SPEG: variants seen among roughly 807,000 people sequenced by gnomAD.
SPEG encodes striated muscle preferentially expressed protein kinase.
A neutral mutation model predicts 300.4 loss-of-function variants in SPEG; 114 were observed. The observed-to-expected ratio is 0.38, with a 90% CI of 0.33 to 0.44. The LOEUF (loss-of-function observed/expected upper bound fraction) is 0.44. Ranked by LOEUF, SPEG falls within the 20% of genes least tolerant of loss-of-function variation. The pLI, the probability that SPEG is intolerant of heterozygous loss-of-function variation, is 1.00. For synonymous variants in SPEG, 1,964 were observed against 2,018.9 expected (o/e 0.97, Z 0.73); for missense variants, 4,201 against 4,586.2 (o/e 0.92, Z 2.43).
chr2:219,487,284 G>A (rs967337607), intron 31 of SPEG, among the ~76,000 whole-genome samples: 49 of 152,222 alleles, frequency 3.2e-4, no homozygotes, highest in African/African-American at 1.0e-3. Flanking sequence ...AGCTAGCTGT[G>A]AAGGCAGCTT....
At chr2:219,447,776 C>T (rs1192735235) in intron 3 of SPEG, among the ~76,000 whole-genome samples, 198 bp from the exon 4 acceptor site, 1 of 151,914 alleles carries the variant, frequency 6.6e-6, no homozygotes, top group Non-Finnish European at 1.5e-5. Flanking sequence ...TCTTGTGGTT[C>T]CAGAGCCGCC....
chr2:219,467,009 A>G, intron 9 of SPEG, 165 bp from the exon 10 acceptor site: 1 of 1,066,586 alleles, frequency 9.4e-7, no homozygotes, highest in South Asian at 2.2e-5. Context: ...AGGTCTGGGC[A>G]TGCCTTGCTG....
rs555410653 is a variant in SPEG, at chr2:219,441,446, C to G, written c.389-3207C>G. The G allele has an allele frequency of 6.5e-6, 3 of 463,460 alleles. No individual in the cohort carries two copies. The East Asian group carries it at 2.1e-4, about 32-fold the overall frequency. 28.7% of individuals were successfully genotyped at this position (463,460 alleles called of 1,614,324 possible). The stretch of plus-strand genomic sequence containing the variant: ...CACGCAGTCCACACCCGCCAGGACC[C>G]TTGCCCTGCGTTTGACCTAGGCGCC... On this transcript the variant is annotated intron_variant, in intron 1 of 40. Coordinates refer to ENST00000312358, the MANE Select transcript of SPEG (RefSeq NM_005876.5).
Position 219,444,515 on chromosome 2 carries a change from G to T in SPEG, c.389-138G>T. On this transcript the variant is annotated intron_variant, in intron 1 of 40. Transcript: ENST00000312358. This position sits in a 1 kb window ranked among gnomAD's most constrained non-coding sequence, Gnocchi z 7.8. ...GCCCAGGCTGGGCAGGGGATGTGGGGAGCAAAAGAGAGGAGGTGCTGGCAG... is the reference window on the plus strand; with the variant it reads ...GCCCAGGCTGGGCAGGGGATGTGGGTAGCAAAAGAGAGGAGGTGCTGGCAG... 1.4e-6 allele frequency: 1 copy of T among 707,782 alleles called. No individual in the cohort carries two copies. Among genetic ancestry groups the T allele is most frequent in the Non-Finnish European group, 2.5e-6 (1 of 404,886 alleles). The allele number at this position is 707,782 out of a possible 1,614,324, so 43.8% of individuals were successfully genotyped here. A position where few individuals can be genotyped will look rare whatever the true frequency, so the allele number is the denominator to read the frequency against.
intron 18 of SPEG, among the ~76,000 whole-genome samples, chr2:219,475,415 C>A (rs898912329): frequency 3.9e-5 from 6 of 152,232 alleles, no homozygotes; most frequent in Non-Finnish European, 8.8e-5. Context: ...CCCCCACCAC[C>A]TCCCAGCCCA....
At chr2:219,462,530 G>A (rs1690819655) in intron 8 of SPEG, 144 bp downstream of exon 8, 1 of 655,190 alleles carries the variant, frequency 1.5e-6, no homozygotes. Context: ...GGACAGCAGT[G>A]TACTCCCCCC....
At position 219,479,424 on chromosome 2, in the gene SPEG, C is replaced by A. The variant is rs1048083348; in HGVS notation, c.5085+223C>A. ...TCTCTCTAAATCTCAGCAAACCCAC[C>A]CCAGCTCCTAACTGTTGTTTCCCAC... On this transcript the variant is annotated intron_variant, in intron 23 of 40. Transcript: ENST00000312358. This position sits in a 1 kb window ranked among gnomAD's most constrained non-coding sequence, Gnocchi z 5.5. 6.6e-6 allele frequency among the ~76,000 whole-genome samples: 1 copy of A among 152,182 alleles called. No homozygotes were observed. Among genetic ancestry groups the A allele is most frequent in the African/African-American group, 2.4e-5 (1 of 41,420 alleles).
chr2:219,457,472 A>G (rs1690280677), intron 6 of SPEG, among the ~76,000 whole-genome samples: 1 of 152,146 alleles, frequency 6.6e-6, no homozygotes, highest in African/African-American at 2.4e-5. Context: ...AATCCCAGCT[A>G]CTGAGGGAGG....
rs1394608788 is a variant in SPEG, at chr2:219,480,203, G to A, written c.5342+63G>A. The A allele has an allele frequency of 2.6e-6, 4 of 1,527,246 alleles. No homozygotes were observed. Among genetic ancestry groups the A allele is most frequent in the Admixed American group, 1.7e-5 (1 of 57,736 alleles). 94.6% of individuals were successfully genotyped at this position (1,527,246 alleles called of 1,614,324 possible). A position where few individuals can be genotyped will look rare whatever the true frequency, so the allele number is the denominator to read the frequency against. On this transcript the variant is annotated intron_variant, in intron 25 of 40. Coordinates refer to ENST00000312358, the MANE Select transcript of SPEG (RefSeq NM_005876.5). This position sits in a 1 kb window ranked among gnomAD's most constrained non-coding sequence, Gnocchi z 5.3. ...CTGCCCTTGGGGCTGTGCTGGGGAC[G>A]CGCTCACTGGCAGGGAGATTTACCG...
At position 219,484,119 on chromosome 2, in the gene SPEG, G is replaced by A. The variant is rs769266480; in HGVS notation, c.6656G>A (p.Arg2219Lys). 2 of 1,613,472 alleles carry A rather than the reference G, an allele frequency of 1.2e-6. No homozygotes were observed. The highest frequency in any genetic ancestry group is 2.2e-5 in the South Asian group (2 of 91,068). ...QPAQDKAPEP[R>K]PEPVRASKPA... ...GCCCAAGACAAGGCTCCAGAGCCCA[G>A]GCCAGAACCAGTCCGAGCCTCCAAG... is the stretch of plus-strand genomic sequence containing the variant. The change falls in exon 30 of 41, where the codon AGG (arginine) becomes AAG (lysine). Residue 2219 changes from arginine (R) to lysine (K), a missense_variant. Physicochemically the swap from Arg to Lys is conservative, Grantham distance 26 (BLOSUM62 2). This residue lies in a region of SPEG where 1,578 missense variants were observed against 1,506.0 expected (regional missense o/e 1.05). Transcript: ENST00000312358.
In SPEG at chr2:219,478,045, G is replaced by A. The variant is rs1395898706; in HGVS notation, c.4967G>A (p.Cys1656Tyr). 6 of 1,614,094 alleles carry A rather than the reference G, an allele frequency of 3.7e-6. No homozygotes were observed. Among genetic ancestry groups the A allele is most frequent in the Non-Finnish European group, 5.1e-6 (6 of 1,180,048 alleles). The change falls in exon 22 of 41, where the codon TGT becomes TAT. Residue 1656 changes from cysteine to tyrosine, a missense_variant. Coordinates refer to ENST00000312358, the MANE Select transcript of SPEG (RefSeq NM_005876.5). The stretch of plus-strand genomic sequence containing the variant: ...CTGCTGGCCAGGCTCCAGCACGACT[G>A]TGTCCTCTACTTCCATGAGGCCTTC... The part of the protein sequence containing the change: ...ARLLARLQHD[C>Y]VLYFHEAFER...
rs760241690 is a variant in SPEG at position 219,448,323 on chromosome 2, C to G, written c.1165C>G (p.Arg389Gly). 1.2e-5 allele frequency: 19 copies of G among 1,604,204 alleles called. No homozygotes were observed. Among genetic ancestry groups the G allele is most frequent in the Non-Finnish European group, 1.6e-5 (19 of 1,176,462 alleles). ...CTCAGGCCGCCTGTCGGCGTTGGGC[C>G]GATCGCCTAGGCTGGTGCGCGCCGG... The part of the protein sequence containing the change: ...EASGRLSALG[R>G]SPRLVRAGSR... The change falls in exon 4 of 41, where the codon CGA becomes GGA. Residue 389 changes from arginine to glycine, a missense_variant. By Grantham distance (125) the Arg-to-Gly change is moderately radical. Around this residue, in one of 4 missense-constraint regions of SPEG, gnomAD observed 1,258 missense variants for 1,293.9 expected, o/e 0.97. Transcript: ENST00000312358.
chr2:219,467,464 G>A (rs770472608), intron 10 of SPEG, 30 bp downstream of exon 10: 24 of 1,577,324 alleles, frequency 1.5e-5, no homozygotes, highest in African/African-American at 2.7e-5. Flanking sequence ...TTGGGCTGCC[G>A]TGGGTGCCCA....
intron 6 of SPEG, chr2:219,461,167 C>T (rs568547781): frequency 4.2e-6 from 4 of 957,696 alleles, no homozygotes; most frequent in South Asian, 9.6e-5. Context: ...GGGGACACCC[C>T]TCCCCCAAGG....
At position 219,449,600 on chromosome 2, in the gene SPEG, C is replaced by G. The variant is rs1689589124; in HGVS notation, c.2113+329C>G. ...CCAGTGGCCTGCTAGGCTGTTGGAT[C>G]AAGAACCACTACTGGGGGGATGCAC... is the stretch of plus-strand genomic sequence containing the variant. On this transcript the variant is annotated intron_variant, in intron 4 of 40. Coordinates refer to ENST00000312358, the MANE Select transcript of SPEG (RefSeq NM_005876.5). 2.6e-5 allele frequency among the ~76,000 whole-genome samples: 4 copies of G among 152,142 alleles called. No homozygotes were observed. The South Asian group carries it at 8.3e-4, about 31-fold the overall frequency.
rs368967456 is a variant in SPEG, at chr2:219,464,536, G to A, written c.2809G>A (p.Ala937Thr). 3.7e-6 allele frequency: 6 copies of A among 1,614,140 alleles called. No individual in the cohort carries two copies. The highest frequency in any genetic ancestry group is 1.3e-5 in the African/African-American group (1 of 74,956). The change falls in exon 9 of 41, where the codon GCT (alanine) becomes ACT (threonine). Residue 937 changes from alanine (A) to threonine (T), a missense_variant. This residue lies in a region of SPEG where 1,047 missense variants were observed against 1,356.8 expected (regional missense o/e 0.77). Coordinates refer to ENST00000312358, the MANE Select transcript of SPEG (RefSeq NM_005876.5). The surrounding 1 kb of genome is among the most constrained non-coding windows in gnomAD (Gnocchi z 4.5). ...LRILAAERGD[A>T]GFYTCKAVNE... The stretch of plus-strand genomic sequence containing the variant: ...GATCCTGGCTGCAGAGCGTGGCGAT[G>A]CTGGTTTCTACACTTGCAAAGCGGT...
chr2:219,455,155 T>A (rs1461372279), intron 6 of SPEG, among the ~76,000 whole-genome samples: 1 of 152,222 alleles, frequency 6.6e-6, no homozygotes, highest in African/African-American at 2.4e-5. Flanking sequence ...ATTGAGTGCT[T>A]CATATATACC....
rs1553622240 is a variant in SPEG at position 219,492,598 on chromosome 2, C to T, written c.9616C>T (p.Arg3206Trp). The stretch of plus-strand genomic sequence containing the variant: ...ATCCCTGGCTCTGCCTGGCAGGAGC[C>T]GGCCCTCCCTGCAGGACTGCCTGGC... ...RKVLSVHPWS[R>W]PSLQDCLAHP... The change falls in exon 41 of 41, where the codon CGG becomes TGG. Residue 3206 changes from arginine to tryptophan, a missense_variant. Arg to Trp is a moderately radical substitution (Grantham distance 101). Transcript: ENST00000312358. The T allele has an allele frequency of 3.7e-6, 6 of 1,608,504 alleles. No homozygotes were observed. The highest frequency in any genetic ancestry group is 5.1e-6 in the Non-Finnish European group (6 of 1,179,930).
chr2:219,479,937 G>C lies in SPEG; in HGVS notation c.5164-25G>C. The C allele has an allele frequency of 6.2e-7, 1 of 1,614,088 alleles. No homozygotes were observed. Among genetic ancestry groups the C allele is most frequent in the South Asian group, 1.1e-5 (1 of 91,072 alleles). Reference sequence around the variant, plus strand: ...GCATCCTTCCTTGTTCATTTGGCCCGCACACCTCGCCTTGTGTCTTCCAGC... The same window carrying C: ...GCATCCTTCCTTGTTCATTTGGCCCCCACACCTCGCCTTGTGTCTTCCAGC... On this transcript the variant is annotated intron_variant, in intron 24 of 40. Coordinates refer to ENST00000312358, the MANE Select transcript of SPEG (RefSeq NM_005876.5). This position sits in a 1 kb window ranked among gnomAD's most constrained non-coding sequence, Gnocchi z 5.5.
Sources: gnomAD v4.1 joint callset for allele counts (sites outside exome capture counted in the v4.1 genomes callset) on GRCh38, gnomAD v4.1.1 for gene constraint, gnomAD v4.1.1 regional missense constraint, Gnocchi (gnomAD v3.1) non-coding constraint, MANE v1.5 for transcripts, NCBI Gene and HGNC (gene_info 2026-07-23, HGNC 2026-07-21) for gene names.